The following TMEM116 variants were observed in gnomAD, a reference collection of about 807,000 sequenced individuals.
The protein encoded by TMEM116 is transmembrane protein 116.
A neutral mutation model predicts 44.3 loss-of-function variants in TMEM116; 38 were observed. That is an observed-to-expected ratio of 0.86 (90% CI 0.66 to 1.12). TMEM116 has a LOEUF of 1.12. Among genes scored for constraint, TMEM116 ranks in the 50% most tolerant of loss-of-function variants. The pLI is 0.00. For synonymous variants in TMEM116, 132 were observed against 144.8 expected (o/e 0.91, Z 0.64); for missense variants, 354 against 401.7 (o/e 0.88, Z 1.01).
chr12:111,941,053 T>C (rs1207203571), intron 5 of TMEM116, among the ~76,000 whole-genome samples: 4 of 152,070 alleles, frequency 2.6e-5, no homozygotes, highest in Non-Finnish European at 5.9e-5. Context: ...TACTAACTTG[T>C]AGGGAGCTAA....
chr12:111,961,696 A>G (rs986339986), intron 4 of TMEM116, among the ~76,000 whole-genome samples: 3 of 152,192 alleles, frequency 2.0e-5, no homozygotes, highest in African/African-American at 7.2e-5. Flanking sequence ...ATTTATGACA[A>G]ACCCACAGCC....
intron 3 of TMEM116, chr12:112,000,954 G>T: frequency 2.7e-6 from 1 of 376,946 alleles, no homozygotes; most frequent in Non-Finnish European, 5.3e-6. Context: ...GAGCAGGGCT[G>T]CCTGCAGCAG....
chr12:111,981,727 T>G (rs1246379587), intron 4 of TMEM116, among the ~76,000 whole-genome samples: 2 of 152,132 alleles, frequency 1.3e-5, no homozygotes, highest in African/African-American at 2.4e-5. Context: ...AAATAAGAAC[T>G]CTGAAAGAAA....
intron 5 of TMEM116, among the ~76,000 whole-genome samples, chr12:111,939,880 CTGTGTGTGTG>C (rs61322648): frequency 0.026 from 3,400 of 130,400 alleles, 51 homozygotes; most frequent in Middle Eastern, 0.038. Flanking sequence ...CTTCAAAGCT[CTGTGTGTGTG>C]TGTGTGTGTG....
intron 4 of TMEM116, among the ~76,000 whole-genome samples, chr12:111,982,632 AAATCAATC>A (rs533025843): frequency 1.3e-5 from 2 of 151,884 alleles, no homozygotes; most frequent in African/African-American, 2.4e-5. Flanking sequence ...TCAATATAGA[AAATCAATC>A]AATCAATCAA....
intron 4 of TMEM116, among the ~76,000 whole-genome samples, chr12:111,991,522 C>CAG (rs372897055): frequency 0.015 from 1,516 of 102,074 alleles, 16 homozygotes; most frequent in African/African-American, 0.032. Flanking sequence ...GTCTCTGTCT[C>CAG]AGAAAAAAAA....
chr12:111,973,204 A>G (rs2075466590), intron 4 of TMEM116, among the ~76,000 whole-genome samples: 1 of 152,238 alleles, frequency 6.6e-6, no homozygotes. Context: ...ACACAATGAA[A>G]TTAAATTACA....
intron 1 of TMEM116, among the ~76,000 whole-genome samples, chr12:112,009,144 T>C (rs1389570559): frequency 6.6e-6 from 1 of 152,164 alleles, no homozygotes; most frequent in Non-Finnish European, 1.5e-5. Flanking sequence ...TGTTTCTGTC[T>C]GACTAAAAAG....
intron 3 of TMEM116, chr12:112,000,839 T>C: frequency 2.0e-6 from 1 of 492,508 alleles, no homozygotes; most frequent in Non-Finnish European, 4.1e-6. Context: ...TTAGCTGAGA[T>C]TTAATTCCTG....
intron 4 of TMEM116, among the ~76,000 whole-genome samples, chr12:111,958,240 C>T (rs2074298633): frequency 6.8e-6 from 1 of 147,842 alleles, no homozygotes; most frequent in African/African-American, 2.5e-5. Context: ...GCCAAATCCC[C>T]CTCTCCGAGA....
chr12:111,951,083 A>C (rs542511697), intron 4 of TMEM116, among the ~76,000 whole-genome samples: 1 of 152,388 alleles, frequency 6.6e-6, no homozygotes, highest in East Asian at 1.9e-4. Flanking sequence ...AAAAAAGCTC[A>C]ACATCACTGA....
intron 4 of TMEM116, among the ~76,000 whole-genome samples, chr12:111,968,336 T>C (rs1310695615): frequency 6.6e-6 from 1 of 152,096 alleles, no homozygotes; most frequent in African/African-American, 2.4e-5. Flanking sequence ...GAAATAATTA[T>C]CCTGAGAATG....
intron 4 of TMEM116, among the ~76,000 whole-genome samples, chr12:111,981,370 C>T (rs2075929904): frequency 6.6e-6 from 1 of 152,060 alleles, no homozygotes; most frequent in African/African-American, 2.4e-5. Flanking sequence ...CCTGCCTTAC[C>T]ACCCCCAACT....
At chr12:112,004,839 A>G (rs187073901) in intron 2 of TMEM116, among the ~76,000 whole-genome samples, 1 of 152,040 alleles carries the variant, frequency 6.6e-6, no homozygotes, top group Non-Finnish European at 1.5e-5. Flanking sequence ...TTGTAGGGAC[A>G]GGGTTTCACC....
At chr12:111,973,041 G>A (rs1456865458) in intron 4 of TMEM116, among the ~76,000 whole-genome samples, 1 of 152,060 alleles carries the variant, frequency 6.6e-6, no homozygotes, top group Non-Finnish European at 1.5e-5. Context: ...AGGAGGCTGA[G>A]GCAGGAGAAT....
At chr12:111,991,526 A>G (rs77992871) in intron 4 of TMEM116, among the ~76,000 whole-genome samples, 89 of 98,310 alleles carry the variant, frequency 9.1e-4, no homozygotes, top group African/African-American at 2.1e-3. Flanking sequence ...CTGTCTCAGA[A>G]AAAAAAAAAA....
chr12:112,008,354 G>A (rs969337502), intron 1 of TMEM116, among the ~76,000 whole-genome samples: 4 of 151,974 alleles, frequency 2.6e-5, no homozygotes, highest in Non-Finnish European at 5.9e-5. Flanking sequence ...GGTGGCGGGC[G>A]CCTGTAATCC....
intron 4 of TMEM116, among the ~76,000 whole-genome samples, chr12:111,955,088 A>C (rs997840690): frequency 2.0e-5 from 3 of 152,228 alleles, no homozygotes; most frequent in Admixed American, 6.5e-5. Context: ...TAGATAAGTT[A>C]GTTTACATAG....
intron 2 of TMEM116, 52 bp downstream of exon 2, chr12:112,005,205 T>C (rs996850980): frequency 7.1e-6 from 9 of 1,263,064 alleles, no homozygotes; most frequent in Admixed American, 3.5e-5. Context: ...AACTACAGAA[T>C]TGACGAACTT....
Sources: gnomAD v4.1 joint callset for allele counts (sites outside exome capture counted in the v4.1 genomes callset) on GRCh38, gnomAD v4.1.1 for gene constraint, MANE v1.5 for transcripts, NCBI Gene and HGNC (gene_info 2026-07-23, HGNC 2026-07-21) for gene names.